Variants in SORCS3 observed in about 807,000 individuals in gnomAD.
SORCS3 encodes VPS10 domain-containing receptor SorCS3.
SORCS3 carries 57 observed loss-of-function variants against 146.3 expected under a neutral mutation model. That is an observed-to-expected ratio of 0.39 (90% CI 0.31 to 0.49). The LOEUF (loss-of-function observed/expected upper bound fraction) is 0.49. SORCS3 is among the 20% of genes least tolerant of loss of function. The pLI, the probability that SORCS3 is intolerant of heterozygous loss-of-function variation, is 0.92. For missense variants in SORCS3, 1,341 were observed against 1,575.5 expected (o/e 0.85, Z 2.52); for synonymous variants, 653 against 618.5 (o/e 1.06, Z -0.83).
At chr10:105,201,458 CAG>C (rs760375502) in intron 16 of SORCS3, among the ~76,000 whole-genome samples, 22 of 152,174 alleles carry the variant, frequency 1.4e-4, no homozygotes, top group Non-Finnish European at 2.2e-4. Flanking sequence ...GGCATTTTCA[CAG>C]AGAGAGTCAC....
chr10:104,643,155 G>A (rs1348500600), intron 1 of SORCS3, among the ~76,000 whole-genome samples: 1 of 152,198 alleles, frequency 6.6e-6, no homozygotes, highest in Non-Finnish European at 1.5e-5. Flanking sequence ...CCAGGCGGAG[G>A]ATGACGGGTG....
intron 1 of SORCS3, among the ~76,000 whole-genome samples, chr10:104,757,138 G>T (rs2017063338): frequency 6.9e-6 from 1 of 144,810 alleles, no homozygotes; most frequent in Non-Finnish European, 1.5e-5. Flanking sequence ...GTCCAGGTGG[G>T]TCTGCCAGAG....
At chr10:104,686,066 A>G (rs2016039701) in intron 1 of SORCS3, among the ~76,000 whole-genome samples, 1 of 152,058 alleles carries the variant, frequency 6.6e-6, no homozygotes, top group East Asian at 1.9e-4. Context: ...TGGTGGGGGA[A>G]GTGGATGAAG....
intron 2 of SORCS3, among the ~76,000 whole-genome samples, chr10:104,878,828 C>T (rs368052730): frequency 6.6e-5 from 10 of 152,214 alleles, no homozygotes; most frequent in Admixed American, 1.3e-4. Flanking sequence ...GGGATTTGCA[C>T]GATGTGTTGG....
At chr10:105,138,062 T>C (rs1397072548) in intron 7 of SORCS3, among the ~76,000 whole-genome samples, 1 of 152,156 alleles carries the variant, frequency 6.6e-6, no homozygotes, top group Non-Finnish European at 1.5e-5. Context: ...ACAGATGTTG[T>C]ATCAAAATAA....
intron 3 of SORCS3, among the ~76,000 whole-genome samples, chr10:104,959,352 G>A (rs943227255): frequency 2.6e-5 from 4 of 152,086 alleles, no homozygotes; most frequent in Admixed American, 2.6e-4. Context: ...GTTATGTCAT[G>A]GGAAGAGCCC....
intron 3 of SORCS3, among the ~76,000 whole-genome samples, chr10:104,935,706 G>T (rs1852136): frequency 0.28 from 41,580 of 146,600 alleles, 7,354 homozygotes; most frequent in African/African-American, 0.51. Flanking sequence ...TGAAGCAGAG[G>T]CAACACATCA....
chr10:104,810,510 A>T (rs1176518183), intron 1 of SORCS3, among the ~76,000 whole-genome samples: 1 of 152,224 alleles, frequency 6.6e-6, no homozygotes, highest in Non-Finnish European at 1.5e-5. Context: ...TTTCAGTCTC[A>T]TCATATTAAG....
intron 5 of SORCS3, among the ~76,000 whole-genome samples, chr10:105,081,624 G>T (rs747139027): frequency 1.3e-5 from 2 of 152,172 alleles, no homozygotes; most frequent in Non-Finnish European, 2.9e-5. Flanking sequence ...CTAAAAATAA[G>T]TTTGAAGCCA....
chr10:105,112,275 T>C (rs1031757115), intron 7 of SORCS3, among the ~76,000 whole-genome samples: 1 of 152,176 alleles, frequency 6.6e-6, no homozygotes, highest in African/African-American at 2.4e-5. Context: ...CCATCTCAAA[T>C]GATTTTCTGA....
At chr10:104,888,399 A>G (rs1351635230) in intron 2 of SORCS3, among the ~76,000 whole-genome samples, 1 of 152,180 alleles carries the variant, frequency 6.6e-6, no homozygotes, top group Non-Finnish European at 1.5e-5. Flanking sequence ...ATCAGACCTT[A>G]TGGTACTCAG....
rs141600815 is a variant in SORCS3, at chr10:105,012,782, G to A, written c.955-30273G>A. 1.8e-4 allele frequency among the ~76,000 whole-genome samples: 27 copies of A among 152,268 alleles called. No individual in the cohort carries two copies. In the East Asian group the frequency reaches 2.1e-3, roughly 12 times the overall value. On this transcript the variant is annotated intron_variant, in intron 4 of 26. Coordinates refer to ENST00000369701, the MANE Select transcript of SORCS3 (RefSeq NM_014978.3). Reference sequence around the variant, plus strand: ...CACTATGAAAATATTGTACGTTGAAGCATTCTCGTGAGTTGTTAACTTCAA... The same window carrying A: ...CACTATGAAAATATTGTACGTTGAAACATTCTCGTGAGTTGTTAACTTCAA...
chr10:104,691,263 T>G (rs2016107978), intron 1 of SORCS3, among the ~76,000 whole-genome samples: 1 of 152,164 alleles, frequency 6.6e-6, no homozygotes, highest in Non-Finnish European at 1.5e-5. Context: ...GCAACCAGGC[T>G]GGGCACCCTA....
At chr10:105,246,138 A>G (rs1177109028) in intron 21 of SORCS3, among the ~76,000 whole-genome samples, 1 of 152,124 alleles carries the variant, frequency 6.6e-6, no homozygotes, top group African/African-American at 2.4e-5. Flanking sequence ...AAAACTAGAT[A>G]ATAAGGCTAA....
At chr10:105,061,890 C>T (rs1048534991) in intron 5 of SORCS3, among the ~76,000 whole-genome samples, 16 of 152,022 alleles carry the variant, frequency 1.1e-4, no homozygotes, top group African/African-American at 3.6e-4. Context: ...TGGGCTGCCA[C>T]CAGGGGAGGG....
chr10:105,111,942 A>G (rs1429382043), intron 7 of SORCS3, among the ~76,000 whole-genome samples: 1 of 152,216 alleles, frequency 6.6e-6, no homozygotes, highest in Admixed American at 6.5e-5. Flanking sequence ...AGGACCTCTT[A>G]TATAAGGGGC....
intron 1 of SORCS3, among the ~76,000 whole-genome samples, chr10:104,751,729 C>T (rs537416253): frequency 9.2e-5 from 14 of 151,574 alleles, no homozygotes; most frequent in Admixed American, 3.9e-4. Context: ...ATAATCCCAT[C>T]GCAGGGAAGG....
At chr10:105,166,835 A>G (rs187937191) in intron 12 of SORCS3, among the ~76,000 whole-genome samples, 55 of 152,322 alleles carry the variant, frequency 3.6e-4, no homozygotes, top group African/African-American at 1.2e-3. Context: ...AAACAACACT[A>G]TAAAACACAG....
chr10:104,952,220 C>T (rs1050591445), intron 3 of SORCS3, among the ~76,000 whole-genome samples: 1 of 122,232 alleles, frequency 8.2e-6, no homozygotes, highest in African/African-American at 3.2e-5. Flanking sequence ...TGGTTAAGCA[C>T]ACTCTCCAGG....
Sources: allele counts gnomAD v4.1 joint callset (sites outside exome capture counted in the v4.1 genomes callset), GRCh38; gene constraint gnomAD v4.1.1; transcripts MANE v1.5; gene names NCBI Gene and HGNC (gene_info 2026-07-23, HGNC 2026-07-21).